Variants in DLGAP1 observed in about 807,000 individuals in gnomAD.
The protein encoded by DLGAP1 is disks large-associated protein 1.
A neutral mutation model predicts 90.8 loss-of-function variants in DLGAP1; 11 were observed. That is an observed-to-expected ratio of 0.12 (90% CI 0.08 to 0.20). The LOEUF is 0.20. Among genes scored for constraint, DLGAP1 ranks in the 10% least tolerant of loss-of-function variants. DLGAP1 has a pLI of 1.00. For missense variants in DLGAP1, 1,050 were observed against 1,333.8 expected, an observed-to-expected ratio of 0.79 and a Z score of 3.31; for synonymous variants, 558 against 540.7, an observed-to-expected ratio of 1.03 and a Z score of -0.44.
At chr18:4,296,249 C>T (rs968102905) in intron 1 of DLGAP1, among the ~76,000 whole-genome samples, 5 of 151,888 alleles carry the variant, frequency 3.3e-5, no homozygotes, top group Middle Eastern at 3.4e-3. Context: ...TTCTGAAGAC[C>T]GAGACTGTGT....
intron 9 of DLGAP1, among the ~76,000 whole-genome samples, chr18:3,546,161 C>T (rs1184098985): frequency 2.0e-5 from 3 of 152,048 alleles, no homozygotes; most frequent in African/African-American, 7.2e-5. Context: ...TGGTGGCTCA[C>T]GCCTGTAACC....
chr18:4,155,123 T>A (rs2076734724), intron 1 of DLGAP1, among the ~76,000 whole-genome samples: 1 of 149,522 alleles, frequency 6.7e-6, no homozygotes, highest in African/African-American at 2.5e-5. Flanking sequence ...AGGGAGTGAG[T>A]CCCATGCCAG....
rs1312747112 is a variant in DLGAP1, at chr18:3,631,337, T to TA, written c.1592-49090dup. 6.9e-4 allele frequency among the ~76,000 whole-genome samples: 105 copies of TA among 152,314 alleles called. 1 individual carries two copies. The highest frequency in any genetic ancestry group is 2.6e-3 in the Admixed American group (39 of 15,284). On this transcript the variant is annotated intron_variant, in intron 7 of 12. Coordinates refer to ENST00000315677, the MANE Select transcript of DLGAP1 (RefSeq NM_004746.4). ...GTCTAGAAATTCTAATCCACATATT[T>TA]AACTTACTAATATCTAGACTTAATA...
At chr18:3,543,586 G>A (rs2052833560) in intron 9 of DLGAP1, among the ~76,000 whole-genome samples, 3 of 152,162 alleles carry the variant, frequency 2.0e-5, no homozygotes, top group African/African-American at 7.2e-5. Context: ...CGACTTCTGT[G>A]CATGGCAATG....
intron 2 of DLGAP1, among the ~76,000 whole-genome samples, chr18:4,099,878 T>C (rs2075752983): frequency 6.6e-6 from 1 of 151,944 alleles, no homozygotes; most frequent in Non-Finnish European, 1.5e-5. Context: ...TAAATTTCTT[T>C]CTCTTTTTTG....
intron 4 of DLGAP1, among the ~76,000 whole-genome samples, chr18:3,835,312 T>C (rs1485217484): frequency 6.6e-6 from 1 of 152,210 alleles, no homozygotes; most frequent in South Asian, 2.1e-4. Flanking sequence ...ATTTACATTA[T>C]ATAAGAATGG....
At chr18:3,781,912 C>T (rs930021480) in intron 5 of DLGAP1, among the ~76,000 whole-genome samples, 1 of 152,164 alleles carries the variant, frequency 6.6e-6, no homozygotes, top group African/African-American at 2.4e-5. Flanking sequence ...GTACAAGGTA[C>T]ACACCGCTAC....
At chr18:4,313,203 A>G (rs1243841274) in intron 1 of DLGAP1, among the ~76,000 whole-genome samples, 1 of 152,254 alleles carries the variant, frequency 6.6e-6, no homozygotes, top group Non-Finnish European at 1.5e-5. Context: ...AAGACAGACC[A>G]TAAATAATAG....
At chr18:3,930,905 C>G (rs2072500919) in intron 3 of DLGAP1, among the ~76,000 whole-genome samples, 1 of 152,166 alleles carries the variant, frequency 6.6e-6, no homozygotes, top group Admixed American at 6.5e-5. Context: ...AACTGTCTAC[C>G]CTGTTGCCAT....
chr18:3,965,919 C>T (rs1022680562), intron 3 of DLGAP1, among the ~76,000 whole-genome samples: 2 of 136,252 alleles, frequency 1.5e-5, no homozygotes, highest in East Asian at 2.2e-4. Context: ...CTGCACTGGG[C>T]GACCGGGTAA....
At chr18:3,644,929 T>C (rs1409527189) in intron 7 of DLGAP1, among the ~76,000 whole-genome samples, 4 of 152,128 alleles carry the variant, frequency 2.6e-5, no homozygotes, top group Non-Finnish European at 5.9e-5. Flanking sequence ...ATAGTGTACA[T>C]AGTGTACTAT....
chr18:4,029,542 A>C (rs1215931245), intron 2 of DLGAP1, among the ~76,000 whole-genome samples: 28 of 152,186 alleles, frequency 1.8e-4, no homozygotes, highest in Non-Finnish European at 1.5e-5. Context: ...GTGGGCAAGA[A>C]ACTCTGAAAT....
intron 1 of DLGAP1, among the ~76,000 whole-genome samples, chr18:4,283,820 A>T (rs2079613854): frequency 6.6e-6 from 1 of 152,170 alleles, no homozygotes; most frequent in African/African-American, 2.4e-5. Context: ...TTTTTATAAA[A>T]CTATGTAAAA....
chr18:4,346,237 T>TA (rs968509505), intron 1 of DLGAP1, among the ~76,000 whole-genome samples: 5 of 151,906 alleles, frequency 3.3e-5, no homozygotes, highest in African/African-American at 9.7e-5. Flanking sequence ...TTAAAATAAG[T>TA]AAAAAAAAGG....
chr18:3,891,127 GCT>G (rs1333237104), intron 3 of DLGAP1, among the ~76,000 whole-genome samples: 1 of 152,036 alleles, frequency 6.6e-6, no homozygotes, highest in Non-Finnish European at 1.5e-5. Flanking sequence ...TTGTTCTCTT[GCT>G]CCCACTTTTC....
At chr18:3,678,751 C>T (rs1195295541) in intron 7 of DLGAP1, among the ~76,000 whole-genome samples, 1 of 152,132 alleles carries the variant, frequency 6.6e-6, no homozygotes, top group Non-Finnish European at 1.5e-5. Context: ...TTTTCCCTCC[C>T]CTAGTTATTA....
chr18:3,541,675 A>G lies in DLGAP1; in HGVS notation c.2058-7060T>C, dbSNP rs2052699491. ...TAATATCCTGCTTAGTTGAAAAGGC[A>G]CAAATCACTACAAGCCCTAAAGTTT... On this transcript the variant is annotated intron_variant, in intron 9 of 12. Transcript: ENST00000315677. Among the ~76,000 whole-genome samples, 3 of 152,344 alleles carry G rather than the reference A, an allele frequency of 2.0e-5. No individual in the cohort carries two copies. The South Asian group carries it at 6.2e-4, about 32-fold the overall frequency.
intron 1 of DLGAP1, among the ~76,000 whole-genome samples, chr18:4,184,968 G>C (rs886404818): frequency 6.6e-6 from 1 of 151,940 alleles, no homozygotes; most frequent in African/African-American, 2.4e-5. Flanking sequence ...ACTTTAATAC[G>C]TTAGAGATCA....
chr18:3,569,646 C>A (rs552178686), intron 8 of DLGAP1, among the ~76,000 whole-genome samples: 2 of 152,044 alleles, frequency 1.3e-5, no homozygotes, highest in Admixed American at 6.6e-5. Context: ...AATCCACCAT[C>A]CTGAAATGTT....
Sources: allele counts gnomAD v4.1 joint callset (sites outside exome capture counted in the v4.1 genomes callset), GRCh38; gene constraint gnomAD v4.1.1; transcripts MANE v1.5; gene names NCBI Gene and HGNC (gene_info 2026-07-23, HGNC 2026-07-21).